EHMT1: variants seen among roughly 807,000 people sequenced by gnomAD.
EHMT1 encodes the protein euchromatic histone lysine methyltransferase 1.
Under a neutral mutation model 147.2 loss-of-function variants are expected in EHMT1, and 15 were observed. That is an observed-to-expected ratio of 0.10 (90% CI 0.07 to 0.16). The LOEUF is 0.16. Among genes scored for constraint, EHMT1 ranks in the 10% least tolerant of loss-of-function variants. The probability of loss-of-function intolerance (pLI) is 1.00; values close to 1 mark genes in which losing one functional copy is unlikely to be tolerated. For synonymous variants in EHMT1, 795 were observed against 709.6 expected (o/e 1.12, Z -1.91); for missense variants, 1,587 against 1,772.4 (o/e 0.90, Z 1.88).
chr9:137,790,853 C>T lies in EHMT1; in HGVS notation c.2388C>T (p.Gly796=). The T allele has an allele frequency of 1.2e-6, 2 of 1,614,128 alleles. No individual in the cohort carries two copies. The highest frequency in any genetic ancestry group is 8.5e-7 in the Non-Finnish European group (1 of 1,180,030). ...CTGAACTGTTGTTTCACTAGGCGGG[C>T]GCTAATATTGACACCTGCTCAGAAG... ...VDICHMLVQA[G]ANIDTCSEDQ... Residue 796 remains glycine (G), a synonymous_variant, in exon 16 of 27, where the codon GGC becomes GGT. Transcript: ENST00000460843.
Position 137,811,549 on chromosome 9 carries a change from C to T in EHMT1, c.2801C>T (p.Ala934Val). Residue 934 changes from alanine (A) to valine (V), a missense_variant, in exon 19 of 27, where the codon GCC becomes GTC. Around this residue, in one of 7 missense-constraint regions of EHMT1, gnomAD observed 201 missense variants for 350.1 expected, o/e 0.57. Transcript: ENST00000460843. ...ILLAAKCDLH[A>V]VNIHGDSPLH... ...CTGGCTGCCAAGTGCGACCTCCACG[C>T]CGTGAACATCCACGGAGACTCGCCA... 1.2e-6 allele frequency: 2 copies of T among 1,609,228 alleles called. No homozygotes were observed. Among genetic ancestry groups the T allele is most frequent in the Admixed American group, 3.3e-5 (2 of 60,030 alleles).
chr9:137,628,339 T>C (rs775012428), intron 1 of EHMT1, among the ~76,000 whole-genome samples: 10 of 152,252 alleles, frequency 6.6e-5, no homozygotes, highest in Admixed American at 2.0e-4. Context: ...TGTGTCTCTT[T>C]CCTGCTTTTC....
Position 137,717,038 on chromosome 9 carries a change from C to T in EHMT1, c.498C>T (p.Ser166=), listed in dbSNP as rs146037252. The stretch of plus-strand genomic sequence containing the variant: ...GGGCTGGCAAAGGCAGGACTCCAAG[C>T]GCTTTTCCCCAGACGCCAGCCGCCC... ...PGGAGKGRTP[S]AFPQTPAAPP... Residue 166 remains serine, a synonymous_variant, in exon 3 of 27, where the codon AGC becomes AGT. Transcript: ENST00000460843. 4.9e-5 allele frequency: 78 copies of T among 1,606,600 alleles called. No individual in the cohort carries two copies. The highest frequency in any genetic ancestry group is 1.9e-4 in the African/African-American group (14 of 74,766).
rs1588331856 is a variant in EHMT1, at chr9:137,717,295, A to T, written c.642+113A>T. On this transcript the variant is annotated intron_variant, in intron 3 of 26. Coordinates refer to ENST00000460843, the MANE Select transcript of EHMT1 (RefSeq NM_024757.5). The stretch of plus-strand genomic sequence containing the variant: ...GCCAGTAAGTGTCAGTGGTTATCCG[A>T]CAGGGCCTATGAGGAGCTAGGAGAA... The T allele has an allele frequency of 2.5e-5, 35 of 1,384,248 alleles. No individual in the cohort carries two copies. The East Asian group carries it at 8.7e-4, about 34-fold the overall frequency. The allele number at this position is 1,384,248 out of a possible 1,614,324, so 85.7% of individuals were successfully genotyped here.
intron 15 of EHMT1, chr9:137,788,500 A>C (rs916519601): frequency 3.1e-5 from 5 of 161,242 alleles, no homozygotes; most frequent in African/African-American, 1.2e-4. Flanking sequence ...GGGAAGTTGC[A>C]GGTGTAGGGG....
chr9:137,760,584 G>A (rs902072388), intron 9 of EHMT1, among the ~76,000 whole-genome samples: 9 of 152,208 alleles, frequency 5.9e-5, no homozygotes, highest in African/African-American at 1.9e-4. Context: ...TGACGGCAGC[G>A]TGGACCGTTC....
In EHMT1 at chr9:137,679,965, C is replaced by CAGT. The variant is rs1329215053; in HGVS notation, c.22-31000_22-30998dup. 2.0e-5 allele frequency among the ~76,000 whole-genome samples: 3 copies of CAGT among 152,286 alleles called. No individual in the cohort carries two copies. In the East Asian group the frequency reaches 5.8e-4, roughly 29 times the overall value. On this transcript the variant is annotated intron_variant, in intron 1 of 26. Coordinates refer to ENST00000460843, the MANE Select transcript of EHMT1 (RefSeq NM_024757.5). ...TGCAATGCTGATGGCCTTCTCCTCC[C>CAGT]AGTACTTAGCCAGCTGCCTCAGTGT...
chr9:137,752,190 G>A (rs1034695711), intron 6 of EHMT1, 141 bp from the exon 7 acceptor site: 54 of 997,734 alleles, frequency 5.4e-5, no homozygotes, highest in African/African-American at 8.0e-5. Context: ...GGCCGGCGGC[G>A]CCCCCGCCCC....
chr9:137,744,457 C>T (rs748427033), intron 6 of EHMT1, among the ~76,000 whole-genome samples: 1 of 152,100 alleles, frequency 6.6e-6, no homozygotes, highest in African/African-American at 2.4e-5. Context: ...CAGCTGGGAC[C>T]ACAGGCTCAC....
intron 2 of EHMT1, 109 bp downstream of exon 2, chr9:137,711,139 C>A: frequency 8.3e-7 from 1 of 1,199,876 alleles, no homozygotes; most frequent in Non-Finnish European, 1.2e-6. Flanking sequence ...CTTTGCTTCA[C>A]CTAGGTTTAT....
intron 1 of EHMT1, among the ~76,000 whole-genome samples, chr9:137,623,619 A>C (rs1843074565): frequency 6.6e-6 from 1 of 151,456 alleles, no homozygotes; most frequent in African/African-American, 2.4e-5. Flanking sequence ...CGGGGTTTCA[A>C]CTTCTTGGCG....
chr9:137,715,121 G>T (rs887662966), intron 2 of EHMT1, among the ~76,000 whole-genome samples: 4 of 152,104 alleles, frequency 2.6e-5, no homozygotes, highest in Non-Finnish European at 4.4e-5. Flanking sequence ...GTTGCTAATT[G>T]AGTCTGTTTT....
In EHMT1 at chr9:137,800,940, A is replaced by G; in HGVS notation, c.2668A>G (p.Lys890Glu). Residue 890 changes from lysine to glutamate, a missense_variant, in exon 18 of 27, where the codon AAG (lysine) becomes GAG (glutamate). Physicochemically the swap from Lys to Glu is moderately conservative, Grantham distance 56. Coordinates refer to ENST00000460843, the MANE Select transcript of EHMT1 (RefSeq NM_024757.5). ...ATEYKHVDLVKLLLSKGSDIN... is the reference protein window; with the variant it reads ...ATEYKHVDLVELLLSKGSDIN... ...AGAGTACAAGCACGTGGACCTCGTG[A>G]AGCTGCTGCTGTCCAAGGGCTCTGA... 1 of 1,614,078 alleles carries G rather than the reference A, an allele frequency of 6.2e-7. No homozygotes were observed. The highest frequency in any genetic ancestry group is 1.3e-5 in the African/African-American group (1 of 75,006).
chr9:137,673,197 G>C (rs1438791440), intron 1 of EHMT1, among the ~76,000 whole-genome samples: 1 of 152,136 alleles, frequency 6.6e-6, no homozygotes, highest in African/African-American at 2.4e-5. Context: ...CTCCCAGCAG[G>C]TGTTTATTGA....
At chr9:137,667,583 T>G (rs1456955389) in intron 1 of EHMT1, 2 of 152,180 alleles carry the variant, frequency 1.3e-5, no homozygotes, top group African/African-American at 2.4e-5. Context: ...AGACATTTGT[T>G]TTTTATTTGA....
intron 1 of EHMT1, among the ~76,000 whole-genome samples, chr9:137,640,234 C>CTGTA (rs1352406094): frequency 2.0e-5 from 3 of 152,108 alleles, no homozygotes; most frequent in Non-Finnish European, 4.4e-5. Context: ...CGTGCCTGGC[C>CTGTA]TGTAACCTTA....
At chr9:137,788,687 C>T (rs1952217939) in intron 15 of EHMT1, 1 of 152,158 alleles carries the variant, frequency 6.6e-6, no homozygotes, top group Non-Finnish European at 1.5e-5. Context: ...GCTGCGGGCC[C>T]AATGCCTGGG....
rs759629407 is a variant in EHMT1 at position 137,717,164 on chromosome 9, G to A, written c.624G>A (p.Pro208=). The A allele has an allele frequency of 1.7e-5, 27 of 1,612,158 alleles. No homozygotes were observed. The East Asian group carries it at 1.8e-4, about 11-fold the overall frequency. Residue 208 remains proline (P), a synonymous_variant, in exon 3 of 27, where the codon CCG becomes CCA. Transcript: ENST00000460843. ...VKVHRARKTM[P]KSVVGLHAAS... is the part of the protein sequence containing the mutation. ...TCCACAGGGCACGCAAGACCATGCCGAAGTCCGTCGTGGGCCTGGTAATTT... is the reference window on the plus strand; with the variant it reads ...TCCACAGGGCACGCAAGACCATGCCAAAGTCCGTCGTGGGCCTGGTAATTT...
At chr9:137,676,538 A>AC (rs1229464355) in intron 1 of EHMT1, 4 of 152,216 alleles carry the variant, frequency 2.6e-5, no homozygotes, top group Admixed American at 6.5e-5. Context: ...GCTAATTTTT[A>AC]CATTATCTGT....
Sources: allele counts gnomAD v4.1 joint callset (sites outside exome capture counted in the v4.1 genomes callset), GRCh38; gene constraint gnomAD v4.1.1; regional missense constraint gnomAD v4.1.1; transcripts MANE v1.5; gene names NCBI Gene and HGNC (gene_info 2026-07-23, HGNC 2026-07-21).